Variants in XKR3 observed in about 807,000 individuals in gnomAD.
The protein encoded by XKR3 is XK-related protein 3.
A neutral mutation model predicts 40.3 loss-of-function variants in XKR3; 27 were observed. The observed-to-expected ratio is 0.67, with a 90% CI of 0.49 to 0.92. The LOEUF (loss-of-function observed/expected upper bound fraction) is 0.92, where lower values mean the gene tolerates loss of function less well. Ranked by LOEUF, XKR3 falls within the 40% of genes least tolerant of loss-of-function variation. The probability of loss-of-function intolerance (pLI) is 0.00; values close to 1 mark genes in which losing one functional copy is unlikely to be tolerated. For synonymous variants in XKR3, 193 were observed against 195.4 expected, an observed-to-expected ratio of 0.99 and a Z score of 0.10; for missense variants, 472 against 537.6, an observed-to-expected ratio of 0.88 and a Z score of 1.21.
intron 3 of XKR3, among the ~76,000 whole-genome samples, chr22:16,792,432 T>A (rs1169892635): frequency 2.0e-5 from 3 of 152,238 alleles, no homozygotes; most frequent in Non-Finnish European, 4.4e-5. Context: ...ATGAAGCTAG[T>A]AGAACTTATT....
intron 3 of XKR3, among the ~76,000 whole-genome samples, chr22:16,798,423 A>G (rs2060152027): frequency 6.6e-6 from 1 of 152,182 alleles, no homozygotes; most frequent in South Asian, 2.1e-4. Flanking sequence ...AAGTTTCTCA[A>G]AGAATTTAAT....
chr22:16,803,725 C>T (rs1168298395), intron 2 of XKR3, among the ~76,000 whole-genome samples: 1 of 152,150 alleles, frequency 6.6e-6, no homozygotes, highest in East Asian at 1.9e-4. Flanking sequence ...TGACAGTTTA[C>T]AAATGCCATG....
intron 1 of XKR3, among the ~76,000 whole-genome samples, chr22:16,814,307 C>T (rs1316285903): frequency 6.6e-6 from 1 of 152,028 alleles, no homozygotes; most frequent in Non-Finnish European, 1.5e-5. Context: ...TATCTTGGTA[C>T]CTTTGTTGGA....
Position 16,788,526 on chromosome 22 carries a change from T to C in XKR3, c.590-4117A>G, listed in dbSNP as rs1166606746. 4.6e-5 allele frequency among the ~76,000 whole-genome samples: 7 copies of C among 152,182 alleles called. No individual in the cohort carries two copies. In the East Asian group the frequency reaches 5.8e-4, roughly 13 times the overall value. On this transcript the variant is annotated intron_variant, in intron 3 of 3. Coordinates refer to ENST00000684488, the MANE Select transcript of XKR3 (RefSeq NM_001386955.1). ...CATTAAAGAAAAGCCCAGGACCTGA[T>C]AGATTAACTGCTGCATTCTACCTAC...
Position 16,799,898 on chromosome 22 carries a change from C to G in XKR3, c.462G>C (p.Arg154=). ...AAGCCTTCTGCTGCATGAAATTATC[C>G]CGGATTGAGAATGCAATCTCCCTTT... ...MLEREIAFSI[R]DNFMQQKAFK... Residue 154 remains arginine (R), a synonymous_variant, in exon 3 of 4, where the codon CGG becomes CGC. Transcript: ENST00000684488. 6.2e-7 allele frequency: 1 copy of G among 1,614,026 alleles called. No individual in the cohort carries two copies. Among genetic ancestry groups the G allele is most frequent in the Non-Finnish European group, 8.5e-7 (1 of 1,180,008 alleles).
chr22:16,804,348 G>A (rs1305964587), intron 2 of XKR3, among the ~76,000 whole-genome samples: 1 of 152,106 alleles, frequency 6.6e-6, no homozygotes, highest in Non-Finnish European at 1.5e-5. Flanking sequence ...TTTCCAGTCT[G>A]ACTCTGGCAT....
intron 3 of XKR3, among the ~76,000 whole-genome samples, chr22:16,795,500 G>A (rs1347345961): frequency 6.6e-6 from 1 of 152,080 alleles, no homozygotes; most frequent in Non-Finnish European, 1.5e-5. Flanking sequence ...AAAGAACTGG[G>A]AGGGAGGGGG....
At chr22:16,816,572 C>T (rs1485471817) in intron 1 of XKR3, among the ~76,000 whole-genome samples, 2 of 151,240 alleles carry the variant, frequency 1.3e-5, no homozygotes, top group Non-Finnish European at 3.0e-5. Context: ...GTTTTTGTCC[C>T]TGCTAAAAAA....
At chr22:16,794,631 C>T (rs2060133184) in intron 3 of XKR3, among the ~76,000 whole-genome samples, 1 of 152,228 alleles carries the variant, frequency 6.6e-6, no homozygotes. Flanking sequence ...CGCAAGCCCA[C>T]ATGCACTTTA....
chr22:16,805,205 AC>A (rs1235181924), intron 2 of XKR3, among the ~76,000 whole-genome samples: 5 of 152,350 alleles, frequency 3.3e-5, no homozygotes, highest in African/African-American at 9.6e-5. Context: ...ACACAAAAAA[AC>A]ATTAAAGCTA....
chr22:16,787,427 G>A (rs2060095262), intron 3 of XKR3, among the ~76,000 whole-genome samples: 1 of 151,792 alleles, frequency 6.6e-6, no homozygotes, highest in Non-Finnish European at 1.5e-5. Flanking sequence ...GGTGTGGTTG[G>A]TGGACGCCTG....
intron 3 of XKR3, among the ~76,000 whole-genome samples, chr22:16,797,020 A>T (rs2060144088): frequency 6.6e-6 from 1 of 152,186 alleles, no homozygotes; most frequent in African/African-American, 2.4e-5. Context: ...AAAGCCACAC[A>T]CCTACAACCA....
At chr22:16,809,724 T>A (rs2060205082) in intron 1 of XKR3, among the ~76,000 whole-genome samples, 1 of 152,224 alleles carries the variant, frequency 6.6e-6, no homozygotes, top group Non-Finnish European at 1.5e-5. Context: ...ATATTTAACT[T>A]TCTTTTTGCC....
intron 1 of XKR3, among the ~76,000 whole-genome samples, chr22:16,814,068 T>C (rs2060223478): frequency 6.6e-6 from 1 of 152,240 alleles, no homozygotes; most frequent in Non-Finnish European, 1.5e-5. Context: ...TTGATGTTTA[T>C]TATTTGTGTT....
At chr22:16,812,628 T>C (rs771947487) in intron 1 of XKR3, among the ~76,000 whole-genome samples, 16 of 152,080 alleles carry the variant, frequency 1.1e-4, no homozygotes, top group African/African-American at 1.7e-4. Context: ...TGAGCTGAGA[T>C]TGCACCACTG....
At chr22:16,785,682 G>C (rs1388297645) in intron 3 of XKR3, among the ~76,000 whole-genome samples, 3 of 152,050 alleles carry the variant, frequency 2.0e-5, no homozygotes, top group East Asian at 3.9e-4. Flanking sequence ...GGGTGACACA[G>C]TGAAACCCCA....
At position 16,814,237 on chromosome 22, in the gene XKR3, T is replaced by A. The variant is rs148994615; in HGVS notation, c.-10-6154A>T. ...TAAAAGACAGGGTTCCAACTTCACA[T>A]GAATATCTAGTTGTCTCAGCTCCAT... On this transcript the variant is annotated intron_variant, in intron 1 of 3. Coordinates refer to ENST00000684488, the MANE Select transcript of XKR3 (RefSeq NM_001386955.1). Among the ~76,000 whole-genome samples, 112 of 152,320 alleles carry A rather than the reference T, an allele frequency of 7.4e-4. No homozygotes were observed. In the East Asian group the frequency reaches 0.019, roughly 26 times the overall value.
chr22:16,810,033 C>G (rs1722213771), intron 1 of XKR3, among the ~76,000 whole-genome samples: 1 of 152,202 alleles, frequency 6.6e-6, no homozygotes, highest in Admixed American at 6.5e-5. Flanking sequence ...ATTGGAGGTG[C>G]AAGCCACCAC....
chr22:16,783,696 T>G lies in XKR3; in HGVS notation c.1303A>C (p.Lys435Gln). The change falls in exon 4 of 4, where the codon AAG becomes CAG. Residue 435 changes from lysine (K) to glutamine (Q), a missense_variant. Transcript: ENST00000684488. ...GAGTGACAGTAATTCCTCAGCTGCT[T>G]ATTTTTATTCTTTTCAGTTTTCTCG... is the stretch of plus-strand genomic sequence containing the variant. Reference protein sequence around the residue: ...NIEKTEKNKNKQLRNYCHSCN... With the variant: ...NIEKTEKNKNQQLRNYCHSCN... 6.2e-7 allele frequency: 1 copy of G among 1,613,598 alleles called. No homozygotes were observed. Among genetic ancestry groups the G allele is most frequent in the Non-Finnish European group, 8.5e-7 (1 of 1,179,930 alleles).
Sources: gnomAD v4.1 joint callset for allele counts (sites outside exome capture counted in the v4.1 genomes callset) on GRCh38, gnomAD v4.1.1 for gene constraint, MANE v1.5 for transcripts, NCBI Gene and HGNC (gene_info 2026-07-23, HGNC 2026-07-21) for gene names.